KIF13A: variants seen among roughly 807,000 people sequenced by gnomAD.
KIF13A encodes kinesin family member 13A, also known as kinesin-like protein KIF13A.
Under a neutral mutation model 212.2 loss-of-function variants are expected in KIF13A, and 79 were observed. That is an observed-to-expected ratio of 0.37 (90% CI 0.31 to 0.45). The LOEUF (loss-of-function observed/expected upper bound fraction) is 0.45, where lower values mean the gene tolerates loss of function less well. Ranked by LOEUF, KIF13A falls within the 20% of genes least tolerant of loss-of-function variation. The probability of loss-of-function intolerance (pLI) is 1.00; values close to 1 mark genes in which losing one functional copy is unlikely to be tolerated. For synonymous variants in KIF13A, 789 were observed against 808.6 expected, an observed-to-expected ratio of 0.98 and a Z score of 0.41; for missense variants, 1,901 against 2,209.0, an observed-to-expected ratio of 0.86 and a Z score of 2.79.
At chr6:17,929,296 G>A (rs1369994068) in intron 2 of KIF13A, among the ~76,000 whole-genome samples, 1 of 152,132 alleles carries the variant, frequency 6.6e-6, no homozygotes, top group East Asian at 1.9e-4. Context: ...CTAGAATGCA[G>A]TGGCGCCATC....
intron 20 of KIF13A, among the ~76,000 whole-genome samples, chr6:17,803,282 G>A (rs1393172206): frequency 6.6e-6 from 1 of 151,942 alleles, no homozygotes; most frequent in Non-Finnish European, 1.5e-5. Context: ...GGGTCTCATA[G>A]TGTTGACCAG....
At chr6:17,820,737 C>T (rs533926913) in intron 16 of KIF13A, among the ~76,000 whole-genome samples, 49 of 152,262 alleles carry the variant, frequency 3.2e-4, no homozygotes, top group African/African-American at 1.2e-3. Flanking sequence ...TTACTTTGGG[C>T]ATAGCACTTT....
At chr6:17,904,119 C>G (rs542030141) in intron 2 of KIF13A, among the ~76,000 whole-genome samples, 5 of 151,114 alleles carry the variant, frequency 3.3e-5, no homozygotes, top group Non-Finnish European at 5.9e-5. Context: ...ATCGTGCCAC[C>G]GCACTCTGAC....
At chr6:17,830,602 C>T (rs1451346482) in intron 13 of KIF13A, among the ~76,000 whole-genome samples, 1 of 152,108 alleles carries the variant, frequency 6.6e-6, no homozygotes, top group Non-Finnish European at 1.5e-5. Context: ...GATTATGGGA[C>T]CAAAAGTTAT....
At chr6:17,824,337 T>C (rs1053957562) in intron 16 of KIF13A, among the ~76,000 whole-genome samples, 10 of 152,248 alleles carry the variant, frequency 6.6e-5, no homozygotes, top group African/African-American at 1.9e-4. Context: ...AGAGATCTGA[T>C]AATTCTCTCA....
Position 17,838,831 on chromosome 6 carries a change from T to C in KIF13A, c.831-1248A>G, listed in dbSNP as rs1467090142. ...GCTTATTTTTTTGTTTGTTTGTTTT[T>C]TGAGATGGAATCTCGCTCTGTCACC... is the stretch of plus-strand genomic sequence containing the variant. On this transcript the variant is annotated intron_variant, in intron 9 of 38. Coordinates refer to ENST00000259711, the MANE Select transcript of KIF13A (RefSeq NM_022113.6). The surrounding 1 kb of genome is among the most constrained non-coding windows in gnomAD (Gnocchi z 4.2). 6.6e-6 allele frequency among the ~76,000 whole-genome samples: 1 copy of C among 152,154 alleles called. No homozygotes were observed. The highest frequency in any genetic ancestry group is 1.5e-5 in the Non-Finnish European group (1 of 68,026).
chr6:17,863,787 TTTTG>T (rs1015370837), intron 4 of KIF13A, among the ~76,000 whole-genome samples: 1 of 152,038 alleles, frequency 6.6e-6, no homozygotes, highest in Non-Finnish European at 1.5e-5. Flanking sequence ...ACCGAAGGAT[TTTTG>T]TTTTTTTTGT....
At chr6:17,774,912 AG>A (rs1478255680) in intron 35 of KIF13A, 102 bp downstream of exon 35, 1 of 742,108 alleles carries the variant, frequency 1.3e-6, no homozygotes, top group Non-Finnish European at 2.2e-6. Context: ...TTAAACTGAC[AG>A]GATCAACCAG....
intron 2 of KIF13A, among the ~76,000 whole-genome samples, chr6:17,936,878 T>C (rs1233260412): frequency 6.6e-6 from 1 of 152,154 alleles, no homozygotes; most frequent in Non-Finnish European, 1.5e-5. Flanking sequence ...GAATGTTTGT[T>C]AGGGCAAAGG....
At position 17,987,238 on chromosome 6, in the gene KIF13A, G is replaced by T; in HGVS notation, c.56-94C>A. 9.1e-7 allele frequency: 1 copy of T among 1,095,834 alleles called. No individual in the cohort carries two copies. Among genetic ancestry groups the T allele is most frequent in the South Asian group, 2.1e-5 (1 of 48,622 alleles). The allele number at this position is 1,095,834 out of a possible 1,614,324, so 67.9% of individuals were successfully genotyped here. A position where few individuals can be genotyped will look rare whatever the true frequency, so the allele number is the denominator to read the frequency against. ...CGCGCCGAGCGGGGCTCCGTCCCTG[G>T]AGGCGGCCGAGCCTGGAGACGGCGC... On this transcript the variant is annotated intron_variant, in intron 1 of 38. Coordinates refer to ENST00000259711, the MANE Select transcript of KIF13A (RefSeq NM_022113.6). This position sits in a 1 kb window ranked among gnomAD's most constrained non-coding sequence, Gnocchi z 7.7.
chr6:17,850,453 A>G lies in KIF13A; in HGVS notation c.587T>C (p.Ile196Thr), dbSNP rs759136761. Residue 196 changes from isoleucine (I) to threonine (T), a missense_variant, in exon 8 of 39, where the codon ATT becomes ACT. Transcript: ENST00000259711. The surrounding 1 kb of genome is among the most constrained non-coding windows in gnomAD (Gnocchi z 6.2). ...ATTTCCCTCAGACATCAATGACTCA[A>G]TATCCTAGGGGCAAAGCATAAGGAA... Reference protein sequence around the residue: ...SQLAVTSFEDIESLMSEGNKS... With the variant: ...SQLAVTSFEDTESLMSEGNKS... 6.2e-6 allele frequency: 10 copies of G among 1,612,496 alleles called. No individual in the cohort carries two copies. Among genetic ancestry groups the G allele is most frequent in the Admixed American group, 1.7e-5 (1 of 59,684 alleles).
In KIF13A at chr6:17,951,277, G is replaced by A. The variant is rs566137723; in HGVS notation, c.146+35777C>T. On this transcript the variant is annotated intron_variant, in intron 2 of 38. Transcript: ENST00000259711. The surrounding 1 kb of genome is among the most constrained non-coding windows in gnomAD (Gnocchi z 4.9). ...TGAGTAGCTGGGACCACAGGTATGC[G>A]CCACCACGTCCAGCTAATTTTAAAC... 117 of 597,806 alleles carry A rather than the reference G, an allele frequency of 2.0e-4. No individual in the cohort carries two copies. In the East Asian group the frequency reaches 3.2e-3, roughly 16 times the overall value. 37.0% of individuals were successfully genotyped at this position (597,806 alleles called of 1,614,324 possible).
At chr6:17,980,653 A>G (rs1043083455) in intron 2 of KIF13A, among the ~76,000 whole-genome samples, 2 of 151,762 alleles carry the variant, frequency 1.3e-5, no homozygotes, top group African/African-American at 4.8e-5. Flanking sequence ...AAGTACACAG[A>G]AAAAAAAGCA....
At chr6:17,841,077 TC>T (rs1766453416) in intron 9 of KIF13A, among the ~76,000 whole-genome samples, 2 of 142,262 alleles carry the variant, frequency 1.4e-5, no homozygotes, top group Non-Finnish European at 3.1e-5. Context: ...AAACCCCTTT[TC>T]CTTTTTTTTT....
chr6:17,876,794 C>G (rs1255625424), intron 3 of KIF13A, among the ~76,000 whole-genome samples: 1 of 152,096 alleles, frequency 6.6e-6, no homozygotes, highest in Non-Finnish European at 1.5e-5. Flanking sequence ...GCCACCATGC[C>G]CAACTAATTT....
chr6:17,804,273 G>T, intron 20 of KIF13A, 88 bp downstream of exon 20: 1 of 1,257,514 alleles, frequency 8.0e-7, no homozygotes, highest in Non-Finnish European at 1.1e-6. Context: ...TCCACCTCAA[G>T]AACATAGCTT....
intron 2 of KIF13A, among the ~76,000 whole-genome samples, chr6:17,939,251 T>G (rs953962871): frequency 7.2e-5 from 11 of 152,366 alleles, no homozygotes; most frequent in African/African-American, 2.6e-4. Context: ...TAAGACATTC[T>G]GGTGCATATT....
chr6:17,761,734 CAT>C (rs1198157824), downstream of KIF13A, among the ~76,000 whole-genome samples: 2 of 152,176 alleles, frequency 1.3e-5, no homozygotes, highest in Non-Finnish European at 2.9e-5. Flanking sequence ...CTTGATATAA[CAT>C]GTTTGTAAAT....
chr6:17,812,884 G>GA (rs1332642690), intron 17 of KIF13A, among the ~76,000 whole-genome samples: 1 of 152,204 alleles, frequency 6.6e-6, no homozygotes, highest in African/African-American at 2.4e-5. Context: ...ACTGGTGTGA[G>GA]ATGGTATCTC....
Sources: gnomAD v4.1 joint callset for allele counts (sites outside exome capture counted in the v4.1 genomes callset) on GRCh38, gnomAD v4.1.1 for gene constraint, Gnocchi (gnomAD v3.1) non-coding constraint, MANE v1.5 for transcripts, NCBI Gene and HGNC (gene_info 2026-07-23, HGNC 2026-07-21) for gene names.